Variants in SERPINE2 observed in about 807,000 individuals in gnomAD.
The protein encoded by SERPINE2 is glia-derived nexin.
A neutral mutation model predicts 36.3 loss-of-function variants in SERPINE2; 14 were observed. The observed-to-expected ratio is 0.39, with a 90% CI of 0.25 to 0.60. SERPINE2 has a LOEUF of 0.60. Among genes scored for constraint, SERPINE2 ranks in the 20% least tolerant of loss-of-function variants. The probability of loss-of-function intolerance (pLI) is 0.57; values close to 1 mark genes in which losing one functional copy is unlikely to be tolerated. For synonymous variants in SERPINE2, 192 were observed against 191.8 expected (o/e 1.00, Z -0.01); for missense variants, 418 against 499.6 (o/e 0.84, Z 1.56).
At chr2:223,994,423 G>A (rs1190115403) in intron 3 of SERPINE2, among the ~76,000 whole-genome samples, 3 of 152,208 alleles carry the variant, frequency 2.0e-5, no homozygotes, top group Non-Finnish European at 4.4e-5. Flanking sequence ...AGGCAAAGAG[G>A]CACATGGAAA....
intron 1 of SERPINE2, among the ~76,000 whole-genome samples, chr2:224,013,590 G>C (rs1161604045): frequency 6.6e-6 from 1 of 152,182 alleles, no homozygotes; most frequent in Admixed American, 6.5e-5. Flanking sequence ...GAATAATTTA[G>C]ATTATATATG....
At chr2:223,988,805 T>C (rs894151797) in intron 4 of SERPINE2, among the ~76,000 whole-genome samples, 2 of 152,178 alleles carry the variant, frequency 1.3e-5, no homozygotes, top group African/African-American at 2.4e-5. Context: ...TGGCTTTCCA[T>C]AGGATAGCAT....
chr2:224,019,460 G>A (rs910256844), intron 1 of SERPINE2, among the ~76,000 whole-genome samples: 27 of 152,134 alleles, frequency 1.8e-4, no homozygotes, highest in African/African-American at 6.0e-4. Flanking sequence ...CCTAGCCTCA[G>A]GCCTTCATGC....
intron 5 of SERPINE2, among the ~76,000 whole-genome samples, chr2:223,983,716 ACG>A (rs201855524): frequency 7.2e-6 from 1 of 138,518 alleles, no homozygotes; most frequent in African/African-American, 2.9e-5. Context: ...ACACACACAC[ACG>A]TATATATATG....
In SERPINE2 at chr2:224,034,172, G is replaced by T. The variant is rs372044560; in HGVS notation, c.-23+4927C>A. ...GTCTTTCTGGAGCTTAGAGTCTACT[G>T]GATAGGGCATGTTGCTACAACACAA... On this transcript the variant is annotated intron_variant, in intron 1 of 8. Coordinates refer to ENST00000409304, the MANE Select transcript of SERPINE2 (RefSeq NM_001136528.2). Among the ~76,000 whole-genome samples the T allele has an allele frequency of 5.9e-5, 9 of 152,296 alleles. No homozygotes were observed. In the East Asian group the frequency reaches 1.2e-3, roughly 20 times the overall value.
At position 224,001,413 on chromosome 2, in the gene SERPINE2, C is replaced by T. The variant is rs367912991; in HGVS notation, c.259+229G>A. 70 of 494,514 alleles carry T rather than the reference C, an allele frequency of 1.4e-4. 2 individuals are homozygous for T. Among genetic ancestry groups the T allele is most frequent in the African/African-American group, 1.1e-3 (59 of 51,620 alleles). 30.6% of individuals were successfully genotyped at this position (494,514 alleles called of 1,614,324 possible). A position where few individuals can be genotyped will look rare whatever the true frequency, so the allele number is the denominator to read the frequency against. ...CTGGGAAAGGAGACCTAGTGGCAGA[C>T]CCCAAGCTCCAAAAGTACAAAAAAG... On this transcript the variant is annotated intron_variant, in intron 2 of 8. Transcript: ENST00000409304.
At chr2:223,992,303 A>C (rs945104095) in intron 3 of SERPINE2, among the ~76,000 whole-genome samples, 1 of 151,972 alleles carries the variant, frequency 6.6e-6, no homozygotes, top group African/African-American at 2.4e-5. Context: ...GCTTTAAAAA[A>C]ATCTTACTCA....
At chr2:224,012,301 C>T (rs1051475389) in intron 1 of SERPINE2, among the ~76,000 whole-genome samples, 1 of 152,110 alleles carries the variant, frequency 6.6e-6, no homozygotes, top group Admixed American at 6.5e-5. Context: ...CAATAAGGAA[C>T]AGTTAATGAC....
chr2:224,015,888 T>C (rs1247730408), intron 1 of SERPINE2, among the ~76,000 whole-genome samples: 2 of 152,208 alleles, frequency 1.3e-5, no homozygotes, highest in Admixed American at 6.5e-5. Context: ...ATCACGTATC[T>C]GTCAAGGGAC....
intron 4 of SERPINE2, among the ~76,000 whole-genome samples, chr2:223,990,784 C>G (rs1242576311): frequency 6.6e-6 from 1 of 152,068 alleles, no homozygotes. Flanking sequence ...TCAAGACTAG[C>G]CTGGGCAACG....
intron 1 of SERPINE2, among the ~76,000 whole-genome samples, chr2:224,026,798 G>A (rs1692201225): frequency 6.6e-6 from 1 of 152,172 alleles, no homozygotes; most frequent in African/African-American, 2.4e-5. Flanking sequence ...GTGTCTTGCT[G>A]TCATAGATAT....
chr2:224,037,288 G>A (rs571111746), intron 1 of SERPINE2, among the ~76,000 whole-genome samples: 79 of 152,282 alleles, frequency 5.2e-4, no homozygotes, highest in African/African-American at 1.8e-3. Context: ...GGGCTACAAA[G>A]TCACCTGCCA....
intron 1 of SERPINE2, among the ~76,000 whole-genome samples, chr2:224,003,842 G>C (rs1163735279): frequency 1.3e-5 from 2 of 152,164 alleles, no homozygotes; most frequent in Non-Finnish European, 2.9e-5. Flanking sequence ...ACGTGTGGGA[G>C]GTTAGGGGTG....
intron 1 of SERPINE2, among the ~76,000 whole-genome samples, chr2:224,025,634 A>T (rs1427673297): frequency 2.0e-5 from 3 of 152,196 alleles, no homozygotes; most frequent in Admixed American, 6.5e-5. Context: ...CTTCCCAGGT[A>T]GTGTCCACAT....
chr2:223,988,104 T>C (rs959579727), intron 4 of SERPINE2, among the ~76,000 whole-genome samples: 81 of 152,136 alleles, frequency 5.3e-4, no homozygotes, highest in Non-Finnish European at 2.1e-4. Context: ...CGTAAGTAAC[T>C]GGGTGAGTAT....
At chr2:224,030,985 A>G (rs1448271036) in intron 1 of SERPINE2, 1 of 985,324 alleles carries the variant, frequency 1.0e-6, no homozygotes, top group Non-Finnish European at 1.2e-6. Flanking sequence ...CCACACAGAT[A>G]CTGGCCTCTT....
In SERPINE2 at chr2:223,975,613, A is replaced by C. The variant is rs1415425025; in HGVS notation, c.*254T>G. The C allele has an allele frequency of 3.6e-5, 13 of 363,008 alleles. No individual in the cohort carries two copies. Among genetic ancestry groups the C allele is most frequent in the Non-Finnish European group, 6.4e-5 (13 of 203,576 alleles). The allele number at this position is 363,008 out of a possible 1,614,324, so 22.5% of individuals were successfully genotyped here. A position where few individuals can be genotyped will look rare whatever the true frequency, so the allele number is the denominator to read the frequency against. ...TTGTTAACCTAGGTAACAGTTCAGT[A>C]GTTTAAAGAATCTTTTAGACATCTG... On this transcript the variant is annotated 3_prime_UTR_variant, in exon 9 of 9. Transcript: ENST00000409304.
chr2:224,026,422 C>T lies in SERPINE2; in HGVS notation c.-23+12677G>A, dbSNP rs1158790401. Among the ~76,000 whole-genome samples, 3 of 152,164 alleles carry T rather than the reference C, an allele frequency of 2.0e-5. No homozygotes were observed. In the East Asian group the frequency reaches 5.8e-4, roughly 29 times the overall value. ...TTTGCCTCTCTTTTTTAAAATTTAA[C>T]CCCTTTTCATGAAGCAACCTCGATA... is the stretch of plus-strand genomic sequence containing the variant. On this transcript the variant is annotated intron_variant, in intron 1 of 8. Transcript: ENST00000409304.
At chr2:223,994,422 G>C (rs1690796795) in intron 3 of SERPINE2, among the ~76,000 whole-genome samples, 1 of 152,220 alleles carries the variant, frequency 6.6e-6, no homozygotes, top group Non-Finnish European at 1.5e-5. Flanking sequence ...GAGGCAAAGA[G>C]GCACATGGAA....
Sources: gnomAD v4.1 joint callset for allele counts (sites outside exome capture counted in the v4.1 genomes callset) on GRCh38, gnomAD v4.1.1 for gene constraint, MANE v1.5 for transcripts, NCBI Gene and HGNC (gene_info 2026-07-23, HGNC 2026-07-21) for gene names.